Variants in THRAP3 observed in about 807,000 individuals in gnomAD.
THRAP3 encodes thyroid hormone receptor associated protein 3.
Under a neutral mutation model 101.0 loss-of-function variants are expected in THRAP3, and 16 were observed. That is an observed-to-expected ratio of 0.16 (90% CI 0.11 to 0.24). The LOEUF is 0.24. Ranked by LOEUF, THRAP3 falls within the 10% of genes least tolerant of loss-of-function variation. The pLI is 1.00. For synonymous variants in THRAP3, 407 were observed against 422.6 expected, an observed-to-expected ratio of 0.96 and a Z score of 0.45; for missense variants, 989 against 1,202.7, an observed-to-expected ratio of 0.82 and a Z score of 2.63.
At chr1:36,209,582 G>C in the THRAP3 span, among the ~76,000 whole-genome samples, 1 of 152,182 alleles carries the variant, frequency 6.6e-6, no homozygotes, top group Non-Finnish European at 1.5e-5. Flanking sequence ...ATAATAAAGT[G>C]CCTGTTTCAA....
chr1:36,218,055 G>T, the THRAP3 span, among the ~76,000 whole-genome samples: 3 of 152,254 alleles, frequency 2.0e-5, no homozygotes, highest in Admixed American at 1.3e-4. Flanking sequence ...AGTTGTGAAC[G>T]CAGAGAAAAA....
intron 2 of THRAP3, among the ~76,000 whole-genome samples, chr1:36,268,195 A>G (rs1438352482): frequency 6.6e-6 from 1 of 151,984 alleles, no homozygotes; most frequent in Non-Finnish European, 1.5e-5. Flanking sequence ...AAAAAAAAGA[A>G]AGGAATTACC....
intron 9 of THRAP3, among the ~76,000 whole-genome samples, chr1:36,299,609 T>G (rs560893286): frequency 6.6e-6 from 1 of 151,810 alleles, no homozygotes; most frequent in Admixed American, 6.5e-5. Flanking sequence ...CAAGTGATTC[T>G]CCTGTCTCAG....
At chr1:36,213,025 G>A in the THRAP3 span, among the ~76,000 whole-genome samples, 3 of 152,176 alleles carry the variant, frequency 2.0e-5, no homozygotes, top group Non-Finnish European at 2.9e-5. Flanking sequence ...ACACATGACT[G>A]GAACACTGTG....
Position 36,300,927 on chromosome 1 carries a change from C to T in THRAP3, c.2345C>T (p.Ser782Phe). The T allele has an allele frequency of 6.2e-7, 1 of 1,614,004 alleles. No homozygotes were observed. Among genetic ancestry groups the T allele is most frequent in the South Asian group, 1.1e-5 (1 of 91,076 alleles). Reference protein sequence around the residue: ...RARDRSRSSSSSSQSSHSYKA... With the variant: ...RARDRSRSSSFSSQSSHSYKA... Reference sequence around the variant, plus strand: ...AGAGACAGGTCCAGATCCTCCTCCTCTTCCTCCCAGTCATCTCACTCCTAC... The same window carrying T: ...AGAGACAGGTCCAGATCCTCCTCCTTTTCCTCCCAGTCATCTCACTCCTAC... Residue 782 changes from serine to phenylalanine, a missense_variant, in exon 10 of 12, where the codon TCT becomes TTT. Transcript: ENST00000354618.
chr1:36,224,888 C>G (rs558187862), intron 1 of THRAP3: 4 of 152,470 alleles, frequency 2.6e-5, no homozygotes, highest in African/African-American at 9.6e-5. Flanking sequence ...CCCACCCAGT[C>G]CCCATTGGCC....
Position 36,291,313 on chromosome 1 carries a change from G to T in THRAP3, c.1746-61G>T. The T allele has an allele frequency of 1.3e-6, 2 of 1,496,472 alleles. 1 individual carries two copies. Among genetic ancestry groups the T allele is most frequent in the Non-Finnish European group, 1.8e-6 (2 of 1,106,776 alleles). 92.7% of individuals were successfully genotyped at this position (1,496,472 alleles called of 1,614,324 possible). ...AAACTCTTCAAAAAAGTATTTTTAT[G>T]GTTTTAATGTTCTTCCTGTGTATTG... is the stretch of plus-strand genomic sequence containing the variant. On this transcript the variant is annotated intron_variant, in intron 5 of 11. Transcript: ENST00000354618.
chr1:36,273,212 A>G (rs1645612786), intron 2 of THRAP3, among the ~76,000 whole-genome samples: 2 of 152,226 alleles, frequency 1.3e-5, no homozygotes, highest in Admixed American at 1.3e-4. Flanking sequence ...ATGTAGCATT[A>G]TCTAATCTGG....
At chr1:36,287,989 C>CT (rs1557449078) in intron 4 of THRAP3, 1 of 956,718 alleles carries the variant, frequency 1.0e-6, no homozygotes, top group South Asian at 4.8e-5. Context: ...CAGCAAGTGG[C>CT]TCCCCCTTTT....
chr1:36,247,041 G>A (rs538652942), intron 1 of THRAP3, among the ~76,000 whole-genome samples: 5 of 151,878 alleles, frequency 3.3e-5, no homozygotes, highest in Non-Finnish European at 7.4e-5. Context: ...TTTTTTGGCC[G>A]GGTGCAGTGG....
At chr1:36,235,135 A>G (rs1322796194) in intron 1 of THRAP3, among the ~76,000 whole-genome samples, 3 of 152,088 alleles carry the variant, frequency 2.0e-5, no homozygotes, top group South Asian at 4.1e-4. Flanking sequence ...AAATGGAGGT[A>G]GAAATCTCTG....
chr1:36,212,672 G>A, the THRAP3 span, among the ~76,000 whole-genome samples: 1 of 151,900 alleles, frequency 6.6e-6, no homozygotes, highest in Non-Finnish European at 1.5e-5. Context: ...CACCAACCTT[G>A]GCCTCCCAAA....
intron 9 of THRAP3, among the ~76,000 whole-genome samples, chr1:36,300,601 C>G (rs1394864090): frequency 1.3e-5 from 2 of 152,182 alleles, no homozygotes; most frequent in African/African-American, 4.8e-5. Flanking sequence ...GTATCTTAGA[C>G]TGAGCTCCTG....
At chr1:36,234,971 G>A (rs568298236) in intron 1 of THRAP3, among the ~76,000 whole-genome samples, 268 of 152,114 alleles carry the variant, frequency 1.8e-3, no homozygotes, top group African/African-American at 5.7e-3. Flanking sequence ...CCACTACCGC[G>A]CCTGGCTAAT....
the THRAP3 span, among the ~76,000 whole-genome samples, chr1:36,216,384 G>A: frequency 9.1e-3 from 1,381 of 151,374 alleles, 18 homozygotes; most frequent in African/African-American, 0.032. Context: ...GCTGTGTTTG[G>A]TGGCGTGTAA....
chr1:36,291,134 A>G (rs914104016), intron 5 of THRAP3, among the ~76,000 whole-genome samples: 1 of 152,142 alleles, frequency 6.6e-6, no homozygotes, highest in African/African-American at 2.4e-5. Context: ...GTGTGTTAAA[A>G]CCAGCAGTGA....
At chr1:36,215,717 T>C in the THRAP3 span, among the ~76,000 whole-genome samples, 1 of 152,158 alleles carries the variant, frequency 6.6e-6, no homozygotes, top group Admixed American at 6.5e-5. Flanking sequence ...ACTTTGAATT[T>C]CATATACTTT....
chr1:36,226,623 C>G (rs1262511729), intron 1 of THRAP3, among the ~76,000 whole-genome samples: 1 of 152,156 alleles, frequency 6.6e-6, no homozygotes, highest in African/African-American at 2.4e-5. Context: ...TACCCTGTTT[C>G]TGTAGGGCAT....
chr1:36,286,239 T>C lies in THRAP3; in HGVS notation c.138-129T>C, dbSNP rs1645794524. ...CATACGTAGTGGGATTAAATATTTG[T>C]GCCCTTGCTTTGAAAACAAAACTGA... On this transcript the variant is annotated intron_variant, in intron 3 of 11. Coordinates refer to ENST00000354618, the MANE Select transcript of THRAP3 (RefSeq NM_005119.4). This position sits in a 1 kb window ranked among gnomAD's most constrained non-coding sequence, Gnocchi z 5.5. 1.2e-5 allele frequency: 10 copies of C among 860,458 alleles called. No homozygotes were observed. Among genetic ancestry groups the C allele is most frequent in the Non-Finnish European group, 1.8e-5 (10 of 556,114 alleles). 53.3% of individuals were successfully genotyped at this position (860,458 alleles called of 1,614,324 possible).
Sources: allele counts gnomAD v4.1 joint callset (sites outside exome capture counted in the v4.1 genomes callset), GRCh38; gene constraint gnomAD v4.1.1; non-coding constraint Gnocchi (gnomAD v3.1); transcripts MANE v1.5; gene names NCBI Gene and HGNC (gene_info 2026-07-23, HGNC 2026-07-21).